Variants in DCC observed in about 807,000 individuals in gnomAD.
The protein encoded by DCC is netrin receptor DCC.
Under a neutral mutation model 172.5 loss-of-function variants are expected in DCC, and 58 were observed. The ratio of observed to expected loss-of-function variants is 0.34; its 90% CI spans 0.27 to 0.42. DCC has a LOEUF of 0.42. Ranked by LOEUF, DCC falls within the 10% of genes least tolerant of loss-of-function variation. DCC has a pLI of 1.00. For missense variants in DCC, 1,740 were observed against 1,791.0 expected (o/e 0.97, Z 0.51); for synonymous variants, 709 against 644.5 (o/e 1.10, Z -1.52).
At chr18:52,444,217 T>G (rs2144501825) in intron 1 of DCC, among the ~76,000 whole-genome samples, 1 of 152,250 alleles carries the variant, frequency 6.6e-6, no homozygotes, top group Non-Finnish European at 1.5e-5. Context: ...GCCTGCAGAA[T>G]TCACCTCTAA....
chr18:53,524,172 C>T lies in DCC; in HGVS notation c.4112-2445C>T, dbSNP rs139607783. Among the ~76,000 whole-genome samples the T allele has an allele frequency of 3.5e-4, 53 of 151,862 alleles. No homozygotes were observed. The East Asian group carries it at 9.9e-3, about 28-fold the overall frequency. ...CAAAACATAAGTATGTGAAGTAATACATATGTTAAATAGCTTGATTTAGCC... is the reference window on the plus strand; with the variant it reads ...CAAAACATAAGTATGTGAAGTAATATATATGTTAAATAGCTTGATTTAGCC... On this transcript the variant is annotated intron_variant, in intron 27 of 28. Transcript: ENST00000442544.
At chr18:52,444,839 T>C (rs1988073538) in intron 1 of DCC, among the ~76,000 whole-genome samples, 1 of 152,128 alleles carries the variant, frequency 6.6e-6, no homozygotes. Flanking sequence ...ACCTATATTT[T>C]CAAATTAAAT....
Position 52,823,127 on chromosome 18 carries a change from C to T in DCC, c.412+70753C>T, listed in dbSNP as rs980338421. On this transcript the variant is annotated intron_variant, in intron 2 of 28. Transcript: ENST00000442544. Reference sequence around the variant, plus strand: ...AGGCAATACCTCTGAGATGCAGTGTCCCCTCCCTAAACTTTTGTTTATAAT... The same window carrying T: ...AGGCAATACCTCTGAGATGCAGTGTTCCCTCCCTAAACTTTTGTTTATAAT... Among the ~76,000 whole-genome samples the T allele has an allele frequency of 3.3e-5, 5 of 152,158 alleles. No individual in the cohort carries two copies. In the South Asian group the frequency reaches 8.3e-4, roughly 25 times the overall value.
At chr18:52,761,917 A>G (rs1343155838) in intron 2 of DCC, among the ~76,000 whole-genome samples, 1 of 140,682 alleles carries the variant, frequency 7.1e-6, no homozygotes, top group East Asian at 1.9e-4. Context: ...TCAAAAAAAA[A>G]AAAAAAAAGA....
At chr18:53,508,389 T>G (rs186757828) in intron 27 of DCC, among the ~76,000 whole-genome samples, 145 of 151,968 alleles carry the variant, frequency 9.5e-4, no homozygotes, top group Non-Finnish European at 1.7e-3. Flanking sequence ...GATGAGGTTT[T>G]GTTATGTTGT....
At chr18:52,393,205 A>G (rs74644784) in intron 1 of DCC, among the ~76,000 whole-genome samples, 3,023 of 152,254 alleles carry the variant, frequency 0.02, 80 homozygotes, top group African/African-American at 0.063. Context: ...CTATGAAATG[A>G]AAGAATGACA....
At chr18:53,464,266 C>T (rs982397731) in intron 24 of DCC, among the ~76,000 whole-genome samples, 2 of 152,172 alleles carry the variant, frequency 1.3e-5, no homozygotes, top group African/African-American at 4.8e-5. Context: ...CTTAGCTTCA[C>T]TTCGGAAGAA....
intron 1 of DCC, among the ~76,000 whole-genome samples, chr18:52,579,847 A>C (rs1347922851): frequency 6.6e-6 from 1 of 152,248 alleles, no homozygotes; most frequent in East Asian, 1.9e-4. Flanking sequence ...CAATAGTTTC[A>C]TTTGAAGAGA....
intron 5 of DCC, among the ~76,000 whole-genome samples, chr18:52,987,111 C>T (rs956987479): frequency 1.3e-5 from 2 of 152,042 alleles, no homozygotes; most frequent in East Asian, 1.9e-4. Context: ...CGTGAGACTC[C>T]GCGCCTGGCC....
intron 1 of DCC, among the ~76,000 whole-genome samples, chr18:52,521,356 C>T (rs2031808253): frequency 6.6e-6 from 1 of 152,120 alleles, no homozygotes; most frequent in African/African-American, 2.4e-5. Flanking sequence ...TCATCTTGGG[C>T]TGCCATAACA....
intron 2 of DCC, among the ~76,000 whole-genome samples, chr18:52,886,611 C>T (rs2039573171): frequency 6.6e-6 from 1 of 152,034 alleles, no homozygotes; most frequent in Non-Finnish European, 1.5e-5. Context: ...GTCTTTTTTC[C>T]TGTCTATTGG....
chr18:52,533,757 C>G (rs1433526899), intron 1 of DCC, among the ~76,000 whole-genome samples: 1 of 152,032 alleles, frequency 6.6e-6, no homozygotes, highest in Non-Finnish European at 1.5e-5. Flanking sequence ...GGGATAAATG[C>G]CTAAGAATGC....
intron 9 of DCC, among the ~76,000 whole-genome samples, chr18:53,195,909 A>G (rs2055436800): frequency 6.6e-6 from 1 of 152,094 alleles, no homozygotes; most frequent in African/African-American, 2.4e-5. Context: ...TTTTCTGTGC[A>G]TTTTGTCCTT....
At chr18:53,439,921 C>T (rs545187489) in intron 22 of DCC, among the ~76,000 whole-genome samples, 19 of 151,040 alleles carry the variant, frequency 1.3e-4, no homozygotes, top group African/African-American at 4.6e-4. Flanking sequence ...CCCGCCACTA[C>T]GCCCGGCTAA....
chr18:53,101,093 A>T (rs2144217837), intron 7 of DCC, among the ~76,000 whole-genome samples: 1 of 152,218 alleles, frequency 6.6e-6, no homozygotes, highest in East Asian at 1.9e-4. Flanking sequence ...ATTTTACTTT[A>T]CATGTGAGAT....
rs545417396 is a variant in DCC, at chr18:53,301,072, CTTCT to C, written c.1912-4489_1912-4486del. On this transcript the variant is annotated intron_variant, in intron 12 of 28. Transcript: ENST00000442544. ...CTTTCCTGTCCTTTCCTCTCCTTTCCTTCTTTCTTTCTTTCTTTCTCTCTTTCTT... is the reference window on the plus strand; with the variant it reads ...CTTTCCTGTCCTTTCCTCTCCTTTCCTTCTTTCTTTCTTTCTCTCTTTCTT... Among the ~76,000 whole-genome samples, 502 of 132,058 alleles carry C rather than the reference CTTCT, an allele frequency of 3.8e-3. 3 individuals carry two copies. The highest frequency in any genetic ancestry group is 0.014 in the African/African-American group (479 of 35,444). 86.6% of individuals were successfully genotyped at this position (132,058 alleles called of 152,430 possible).
rs79841993 is a variant in DCC, at chr18:52,749,646, C to G, written c.92-2408C>G. Among the ~76,000 whole-genome samples, 638 of 151,566 alleles carry G rather than the reference C, an allele frequency of 4.2e-3. 2 individuals carry two copies. The highest frequency in any genetic ancestry group is 0.014 in the African/African-American group (588 of 41,474). On this transcript the variant is annotated intron_variant, in intron 1 of 28. Coordinates refer to ENST00000442544, the MANE Select transcript of DCC (RefSeq NM_005215.4). The stretch of plus-strand genomic sequence containing the variant: ...TTGTGTTAAAGTTGATCTATGTACT[C>G]ACAGCACTGAAAACTGTCATAATCT...
intron 1 of DCC, among the ~76,000 whole-genome samples, chr18:52,688,748 G>A (rs1277302197): frequency 1.3e-5 from 2 of 151,824 alleles, no homozygotes; most frequent in East Asian, 1.9e-4. Flanking sequence ...ACCATCACAT[G>A]TTATACCTTA....
chr18:52,854,233 C>T (rs1426331532), intron 2 of DCC, among the ~76,000 whole-genome samples: 1 of 152,094 alleles, frequency 6.6e-6, no homozygotes, highest in Non-Finnish European at 1.5e-5. Flanking sequence ...ATCATGAAGG[C>T]AAAGTATAAC....
Sources: allele counts gnomAD v4.1 joint callset (sites outside exome capture counted in the v4.1 genomes callset), GRCh38; gene constraint gnomAD v4.1.1; transcripts MANE v1.5; gene names NCBI Gene and HGNC (gene_info 2026-07-23, HGNC 2026-07-21).